The following RBFOX1 variants were observed in gnomAD, a reference collection of about 807,000 sequenced individuals.
RBFOX1 encodes RNA binding fox-1 homolog 1.
RBFOX1 carries 8 observed loss-of-function variants against 57.7 expected under a neutral mutation model. That is an observed-to-expected ratio of 0.14 (90% CI 0.08 to 0.25). RBFOX1 has a LOEUF of 0.25. Among genes scored for constraint, RBFOX1 ranks in the 10% least tolerant of loss-of-function variants. RBFOX1 has a pLI of 1.00. For missense variants in RBFOX1, 611 were observed against 548.5 expected, an observed-to-expected ratio of 1.11 and a Z score of -1.14; for synonymous variants, 326 against 222.4, an observed-to-expected ratio of 1.47 and a Z score of -4.15.
intron 1 of RBFOX1, among the ~76,000 whole-genome samples, chr16:6,248,439 G>C (rs916093020): frequency 6.6e-6 from 1 of 152,146 alleles, no homozygotes; most frequent in Admixed American, 6.5e-5. Context: ...CATGGGACAT[G>C]GGTATAAATA....
intron 1 of RBFOX1, among the ~76,000 whole-genome samples, chr16:6,161,874 G>C (rs1448727811): frequency 6.6e-6 from 1 of 152,184 alleles, no homozygotes; most frequent in Non-Finnish European, 1.5e-5. Flanking sequence ...ACTTTGAGTA[G>C]GTTGAACCAA....
chr16:6,993,798 G>C (rs1475045275), intron 3 of RBFOX1, among the ~76,000 whole-genome samples: 1 of 152,178 alleles, frequency 6.6e-6, no homozygotes, highest in Non-Finnish European at 1.5e-5. Flanking sequence ...CATGGAAACT[G>C]TATTGCTGCA....
At chr16:6,446,858 C>A (rs141054706) in intron 2 of RBFOX1, among the ~76,000 whole-genome samples, 29 of 152,070 alleles carry the variant, frequency 1.9e-4, no homozygotes, top group African/African-American at 5.3e-4. Flanking sequence ...AGCCACATAG[C>A]GCTCTTTTTA....
intron 2 of RBFOX1, among the ~76,000 whole-genome samples, chr16:6,351,851 GT>G (rs1567996485): frequency 6.6e-6 from 1 of 152,122 alleles, no homozygotes; most frequent in East Asian, 1.9e-4. Context: ...TGCTTTGCAC[GT>G]CTGACCTCAT....
At chr16:7,361,849 G>T (rs1419027510) in intron 4 of RBFOX1, among the ~76,000 whole-genome samples, 1 of 150,848 alleles carries the variant, frequency 6.6e-6, no homozygotes, top group African/African-American at 2.5e-5. Flanking sequence ...TATATGTTTT[G>T]TGTGTCTGTG....
intron 4 of RBFOX1, among the ~76,000 whole-genome samples, chr16:7,205,312 G>A (rs1004248169): frequency 1.3e-5 from 2 of 152,060 alleles, no homozygotes; most frequent in Non-Finnish European, 2.9e-5. Flanking sequence ...GATGTCAGGA[G>A]TTCAAGACCA....
In RBFOX1 at chr16:5,424,396, T is replaced by C. The variant is rs181721757; in HGVS notation, c.220-42820T>C. Among the ~76,000 whole-genome samples the C allele has an allele frequency of 2.4e-3, 369 of 152,324 alleles. 1 individual carries two copies. Among genetic ancestry groups the C allele is most frequent in the African/African-American group, 8.5e-3 (354 of 41,570 alleles). The stretch of plus-strand genomic sequence containing the variant: ...GCGAGCTCCATCACCTTGGGCAATT[T>C]GCTTAATCTTTCTGAACTCTGTCCC... On this transcript the variant is annotated intron_variant, in intron 1 of 2. Coordinates refer to the RBFOX1 transcript ENST00000585867.
At chr16:5,427,720 C>T (rs974846779) in intron 1 of RBFOX1, among the ~76,000 whole-genome samples, 2 of 152,208 alleles carry the variant, frequency 1.3e-5, no homozygotes, top group Admixed American at 6.5e-5. Flanking sequence ...AGAATTTCCT[C>T]TTGCTCCCGA....
intron 5 of RBFOX1, among the ~76,000 whole-genome samples, chr16:7,518,685 A>AT (rs1458118844): frequency 3.3e-5 from 5 of 151,412 alleles, no homozygotes; most frequent in East Asian, 3.9e-4. Context: ...ATGAAATCTC[A>AT]TTTTTTTGGA....
At chr16:6,399,155 C>T (rs2092963306) in intron 2 of RBFOX1, among the ~76,000 whole-genome samples, 1 of 152,226 alleles carries the variant, frequency 6.6e-6, no homozygotes, top group Non-Finnish European at 1.5e-5. Flanking sequence ...ATGGCTGGAG[C>T]TGAAGCAGCT....
intron 3 of RBFOX1, among the ~76,000 whole-genome samples, chr16:6,886,997 T>C (rs2064203896): frequency 6.6e-6 from 1 of 152,200 alleles, no homozygotes; most frequent in African/African-American, 2.4e-5. Context: ...TTCATGATAA[T>C]TTTTTCCACT....
At chr16:7,172,040 C>A (rs561277993) in intron 4 of RBFOX1, among the ~76,000 whole-genome samples, 2 of 151,224 alleles carry the variant, frequency 1.3e-5, no homozygotes, top group East Asian at 2.0e-4. Context: ...AGTTTTGTCA[C>A]AATTCACATG....
intron 3 of RBFOX1, among the ~76,000 whole-genome samples, chr16:7,029,089 C>T (rs750108026): frequency 0.27 from 5,734 of 20,940 alleles, 890 homozygotes; most frequent in Non-Finnish European, 0.32. Context: ...TATACACACA[C>T]ACACACACAC....
chr16:5,598,248 A>T (rs1214913434), intron 2 of RBFOX1, among the ~76,000 whole-genome samples: 1 of 152,084 alleles, frequency 6.6e-6, no homozygotes, highest in African/African-American at 2.4e-5. Context: ...AAATAAAAAA[A>T]GTAGTGCATA....
At chr16:6,805,113 T>C (rs2086428474) in intron 3 of RBFOX1, among the ~76,000 whole-genome samples, 1 of 151,976 alleles carries the variant, frequency 6.6e-6, no homozygotes, top group South Asian at 2.1e-4. Flanking sequence ...GCAGCATTAC[T>C]CACAATAGCA....
intron 3 of RBFOX1, among the ~76,000 whole-genome samples, chr16:6,844,942 T>A (rs2093679571): frequency 6.6e-6 from 1 of 152,234 alleles, no homozygotes; most frequent in African/African-American, 2.4e-5. Flanking sequence ...TCAGTGATAC[T>A]AAGCTTTTTT....
intron 2 of RBFOX1, among the ~76,000 whole-genome samples, chr16:6,608,023 A>G (rs2097969868): frequency 6.6e-6 from 1 of 152,142 alleles, no homozygotes; most frequent in African/African-American, 2.4e-5. Flanking sequence ...CCTCTGTAAT[A>G]TTTTATCTTC....
chr16:7,652,067 G>C (rs989912228), intron 11 of RBFOX1, among the ~76,000 whole-genome samples: 1 of 151,866 alleles, frequency 6.6e-6, no homozygotes, highest in Non-Finnish European at 1.5e-5. Flanking sequence ...TCAGGGGACA[G>C]GGGTAACCGG....
At chr16:5,806,364 C>A (rs1170281481) in intron 3 of RBFOX1, among the ~76,000 whole-genome samples, 1 of 151,952 alleles carries the variant, frequency 6.6e-6, no homozygotes, top group Non-Finnish European at 1.5e-5. Flanking sequence ...GTGGATGGGG[C>A]CAAAAAGGGT....
Sources: allele counts gnomAD v4.1 joint callset (sites outside exome capture counted in the v4.1 genomes callset), GRCh38; gene constraint gnomAD v4.1.1; transcripts MANE v1.5; gene names NCBI Gene and HGNC (gene_info 2026-07-23, HGNC 2026-07-21).